The following MCC variants were observed in gnomAD, a reference collection of about 807,000 sequenced individuals.
The protein encoded by MCC is colorectal mutant cancer protein.
In MCC, 90 loss-of-function variants were observed where a neutral mutation model predicts 116.2. The ratio of observed to expected loss-of-function variants is 0.77; its 90% CI spans 0.65 to 0.92. The LOEUF is 0.92. Ranked by LOEUF, MCC falls within the 40% of genes least tolerant of loss-of-function variation. MCC has a pLI of 0.00. For missense variants in MCC, 1,516 were observed against 1,312.2 expected (o/e 1.16, Z -2.40); for synonymous variants, 578 against 510.5 (o/e 1.13, Z -1.78).
intron 1 of MCC, among the ~76,000 whole-genome samples, chr5:113,424,732 T>A (rs951552090): frequency 6.6e-6 from 1 of 151,786 alleles, no homozygotes; most frequent in African/African-American, 2.4e-5. Context: ...TTTTTTAAAT[T>A]AAAAAATTAG....
chr5:113,478,418 G>A (rs1415718792), intron 1 of MCC, among the ~76,000 whole-genome samples: 1 of 152,168 alleles, frequency 6.6e-6, no homozygotes, highest in Non-Finnish European at 1.5e-5. Flanking sequence ...GAGTTGGTAG[G>A]GTTGCCAATG....
intron 2 of MCC, among the ~76,000 whole-genome samples, chr5:113,356,295 C>T (rs1768411241): frequency 6.6e-6 from 1 of 150,406 alleles, no homozygotes; most frequent in African/African-American, 2.4e-5. Context: ...CCTCGACCTC[C>T]CAAAGTACTA....
intron 3 of MCC, among the ~76,000 whole-genome samples, chr5:113,266,328 T>A (rs1161742654): frequency 6.6e-6 from 1 of 151,752 alleles, no homozygotes; most frequent in Non-Finnish European, 1.5e-5. Flanking sequence ...AGATATTCAC[T>A]CCCCCAAAGT....
chr5:113,144,363 C>G (rs560950215), intron 4 of MCC, among the ~76,000 whole-genome samples: 1 of 152,312 alleles, frequency 6.6e-6, no homozygotes, highest in South Asian at 2.1e-4. Flanking sequence ...TAGCTTGCGT[C>G]CTTGTCTACT....
At chr5:113,141,041 C>T (rs1453185286) in intron 5 of MCC, among the ~76,000 whole-genome samples, 2 of 152,082 alleles carry the variant, frequency 1.3e-5, no homozygotes, top group African/African-American at 2.4e-5. Context: ...GAAGATCCAC[C>T]CTTAGTGTGT....
intron 1 of MCC, among the ~76,000 whole-genome samples, chr5:113,477,379 T>C (rs1772259263): frequency 6.6e-6 from 1 of 152,226 alleles, no homozygotes; most frequent in African/African-American, 2.4e-5. Context: ...AAGAAGGTCA[T>C]AATCATAGGT....
At chr5:113,295,563 T>TGAAAGATGTCGATAGGCTC (rs1232997052) in intron 3 of MCC, among the ~76,000 whole-genome samples, 4 of 151,982 alleles carry the variant, frequency 2.6e-5, no homozygotes, top group Non-Finnish European at 4.4e-5. Context: ...CCCCAGACCT[T>TGAAAGATGTCGATAGGCTC]CCTTAATTGA....
intron 2 of MCC, among the ~76,000 whole-genome samples, chr5:113,382,149 T>C (rs960360521): frequency 2.6e-5 from 4 of 152,176 alleles, no homozygotes; most frequent in East Asian, 1.9e-4. Context: ...CAAGAGAGGG[T>C]TTCCCTCCAC....
At chr5:113,410,639 AT>A (rs755095381) in intron 1 of MCC, among the ~76,000 whole-genome samples, 6 of 152,218 alleles carry the variant, frequency 3.9e-5, no homozygotes, top group Non-Finnish European at 7.3e-5. Context: ...ACTTTAAGTT[AT>A]GAGGTACATG....
chr5:113,344,308 C>G (rs116484588), intron 2 of MCC, among the ~76,000 whole-genome samples: 2 of 152,118 alleles, frequency 1.3e-5, no homozygotes, highest in Non-Finnish European at 2.9e-5. Flanking sequence ...GCCTTGCCAC[C>G]GTGGGCTAAA....
chr5:113,189,873 T>TTAC (rs1202228222), intron 3 of MCC, among the ~76,000 whole-genome samples: 2 of 152,174 alleles, frequency 1.3e-5, no homozygotes, highest in African/African-American at 4.8e-5. Context: ...GTAACCACCA[T>TTAC]TACCAGTGAA....
intron 3 of MCC, among the ~76,000 whole-genome samples, chr5:113,194,268 C>T (rs1048086593): frequency 3.3e-5 from 5 of 152,266 alleles, no homozygotes; most frequent in Non-Finnish European, 7.3e-5. Flanking sequence ...AGGGCTTGTA[C>T]AATACTTAGT....
chr5:113,404,325 A>G (rs781128876), intron 1 of MCC, among the ~76,000 whole-genome samples: 1 of 152,222 alleles, frequency 6.6e-6, no homozygotes. Context: ...TAGAGAAATA[A>G]GTCTGTTTTC....
At chr5:113,294,500 G>A (rs910388825) in intron 3 of MCC, 43 of 1,563,872 alleles carry the variant, frequency 2.7e-5, no homozygotes, top group Non-Finnish European at 3.6e-5. Flanking sequence ...AGTCTAGACA[G>A]CCATTTTCAC....
At chr5:113,085,376 G>A (rs1033231763) in intron 8 of MCC, 66 bp from the exon 9 acceptor site, 10 of 1,495,160 alleles carry the variant, frequency 6.7e-6, no homozygotes, top group Non-Finnish European at 9.1e-6. Flanking sequence ...ACAGCCAGAT[G>A]GGTAGGTGGT....
At chr5:113,428,481 C>G (rs1023701794) in intron 1 of MCC, among the ~76,000 whole-genome samples, 2 of 152,176 alleles carry the variant, frequency 1.3e-5, no homozygotes, top group African/African-American at 4.8e-5. Flanking sequence ...CACCCCATAT[C>G]CAATGACTAT....
At chr5:113,258,043 G>T (rs936301567) in intron 3 of MCC, among the ~76,000 whole-genome samples, 9 of 152,162 alleles carry the variant, frequency 5.9e-5, no homozygotes, top group Non-Finnish European at 7.4e-5. Flanking sequence ...GAGCAGAATT[G>T]AGAGAAGTTG....
In MCC at chr5:113,058,327, G is replaced by A. The variant is rs150773923; in HGVS notation, c.2214-4368C>T. On this transcript the variant is annotated intron_variant, in intron 14 of 18. Transcript: ENST00000408903. ...TTAGCAGGACTGGTCCACCCCAGCA[G>A]TTTTCCAAGAGGGGTCCCGGGCTGG... Among the ~76,000 whole-genome samples the A allele has an allele frequency of 2.4e-3, 361 of 152,324 alleles. 5 individuals are homozygous for A. The highest frequency in any genetic ancestry group is 7.6e-3 in the African/African-American group (314 of 41,578).
At chr5:113,114,414 G>A (rs1444060346) in intron 6 of MCC, among the ~76,000 whole-genome samples, 3 of 152,180 alleles carry the variant, frequency 2.0e-5, no homozygotes, top group Non-Finnish European at 4.4e-5. Context: ...CAAGTACACA[G>A]GCACAAGTTG....
Sources: allele counts gnomAD v4.1 joint callset (sites outside exome capture counted in the v4.1 genomes callset), GRCh38; gene constraint gnomAD v4.1.1; transcripts MANE v1.5; gene names NCBI Gene and HGNC (gene_info 2026-07-23, HGNC 2026-07-21).